Variants in FHOD3 observed in about 807,000 individuals in gnomAD.
FHOD3 encodes formin homology 2 domain containing 3.
A neutral mutation model predicts 173.0 loss-of-function variants in FHOD3; 90 were observed. The ratio of observed to expected loss-of-function variants is 0.52; its 90% CI spans 0.44 to 0.62. The LOEUF is 0.62. Ranked by LOEUF, FHOD3 falls within the 20% of genes least tolerant of loss-of-function variation. The pLI is 0.00. For synonymous variants in FHOD3, 828 were observed against 823.0 expected (o/e 1.01, Z -0.10); for missense variants, 1,945 against 2,034.7 (o/e 0.96, Z 0.85).
At chr18:36,435,101 C>CT (rs36034498) in intron 3 of FHOD3, among the ~76,000 whole-genome samples, 72,441 of 138,022 alleles carry the variant, frequency 0.52, 18,495 homozygotes, top group Non-Finnish European at 0.56. Flanking sequence ...TTTCACTGGA[C>CT]TTTTTTTTTT....
rs983774011 is a variant in FHOD3 at position 36,709,223 on chromosome 18, C to G, written c.2365C>G (p.Gln789Glu). The change falls in exon 18 of 29, where the codon CAG becomes GAG. Residue 789 changes from glutamine to glutamate, a missense_variant. Gln to Glu is a conservative substitution (Grantham distance 29). Coordinates refer to ENST00000590592, the MANE Select transcript of FHOD3 (RefSeq NM_001281740.3). ...CGAGGGTGCAGAGACTGAAGTGGAG[C>G]AGGCACTAGAGCAAGAGCCGGAAGA... Reference protein sequence around the residue: ...AHEGAETEVEQALEQEPEERA... With the variant: ...AHEGAETEVEEALEQEPEERA... 3 of 1,614,038 alleles carry G rather than the reference C, an allele frequency of 1.9e-6. No homozygotes were observed. The highest frequency in any genetic ancestry group is 2.5e-6 in the Non-Finnish European group (3 of 1,180,052).
chr18:36,339,460 A>G (rs73949444), intron 1 of FHOD3, among the ~76,000 whole-genome samples: 17,934 of 152,246 alleles, frequency 0.12, 3,521 homozygotes, highest in African/African-American at 0.4. Flanking sequence ...CTTGGAATTT[A>G]ATGCTATGTG....
At chr18:36,719,043 A>G (rs1364562524) in intron 19 of FHOD3, among the ~76,000 whole-genome samples, 1 of 152,248 alleles carries the variant, frequency 6.6e-6, no homozygotes, top group African/African-American at 2.4e-5. Flanking sequence ...TGTTAACTAG[A>G]GAAAGTGGAC....
At chr18:36,681,934 C>A (rs909874554) in intron 15 of FHOD3, among the ~76,000 whole-genome samples, 1 of 152,142 alleles carries the variant, frequency 6.6e-6, no homozygotes, top group Non-Finnish European at 1.5e-5. Flanking sequence ...CTATCAGATG[C>A]CCAAAAAGAA....
At chr18:36,417,549 A>G (rs2049733605) in intron 3 of FHOD3, among the ~76,000 whole-genome samples, 1 of 152,250 alleles carries the variant, frequency 6.6e-6, no homozygotes, top group African/African-American at 2.4e-5. Context: ...TCTTTATAAT[A>G]GAATGACTTA....
intron 5 of FHOD3, among the ~76,000 whole-genome samples, chr18:36,525,238 T>C (rs949124799): frequency 3.3e-5 from 5 of 152,210 alleles, no homozygotes; most frequent in Non-Finnish European, 7.3e-5. Context: ...GAGATTATTC[T>C]AGGTAGGATG....
Position 36,658,128 on chromosome 18 carries a change from C to T in FHOD3, c.1775C>T (p.Ser592Phe), listed in dbSNP as rs2036543531. 1.3e-6 allele frequency: 2 copies of T among 1,597,966 alleles called. No homozygotes were observed. The highest frequency in any genetic ancestry group is 4.7e-5 in the East Asian group (2 of 42,994). Residue 592 changes from serine to phenylalanine, a missense_variant, in exon 14 of 29, where the codon TCC becomes TTC. Physicochemically the swap from Ser to Phe is radical, Grantham distance 155. Around this residue, in one of 5 missense-constraint regions of FHOD3, gnomAD observed 1,099 missense variants for 1,051.2 expected, o/e 1.05. Transcript: ENST00000590592. ...SYHSSRPSSG[S>F]SVPTTPTSSV... ...CACTCCTCAAGACCCTCATCTGGATCCAGTGTGCCCACCACCCCCACATCA... is the reference window on the plus strand; with the variant it reads ...CACTCCTCAAGACCCTCATCTGGATTCAGTGTGCCCACCACCCCCACATCA...
chr18:36,555,532 G>A (rs2057843616), intron 5 of FHOD3, among the ~76,000 whole-genome samples: 1 of 152,066 alleles, frequency 6.6e-6, no homozygotes, highest in Non-Finnish European at 1.5e-5. Context: ...GCCTATAAAT[G>A]TCAATTAGGT....
In FHOD3 at chr18:36,713,081, G is replaced by A. The variant is rs541659827; in HGVS notation, c.2533+3690G>A. On this transcript the variant is annotated intron_variant, in intron 18 of 28. Coordinates refer to ENST00000590592, the MANE Select transcript of FHOD3 (RefSeq NM_001281740.3). ...TCTCAGATAAAGAAAAACTAAAAGA[G>A]TGGGTCCCTAACAGACCTATCCTCA... 2.6e-5 allele frequency among the ~76,000 whole-genome samples: 4 copies of A among 152,188 alleles called. No individual in the cohort carries two copies. The South Asian group carries it at 8.3e-4, about 32-fold the overall frequency.
chr18:36,730,564 G>T, intron 19 of FHOD3, 82 bp from the exon 20 acceptor site: 1 of 1,383,258 alleles, frequency 7.2e-7, no homozygotes, highest in South Asian at 1.3e-5. Flanking sequence ...CTCTAAATAA[G>T]TAGTGAGTGC....
At chr18:36,355,306 G>C (rs1259515671) in intron 1 of FHOD3, among the ~76,000 whole-genome samples, 3 of 152,228 alleles carry the variant, frequency 2.0e-5, no homozygotes, top group African/African-American at 7.2e-5. Flanking sequence ...AGTGGCTTAG[G>C]GCCCAGAGGA....
At chr18:36,345,848 C>T (rs28450654) in intron 1 of FHOD3, among the ~76,000 whole-genome samples, 4,850 of 152,214 alleles carry the variant, frequency 0.032, 273 homozygotes, top group African/African-American at 0.11. Flanking sequence ...TAAAGAACTT[C>T]TCCTAAATCA....
chr18:36,603,710 G>A (rs1047045167), intron 8 of FHOD3, among the ~76,000 whole-genome samples: 3 of 151,998 alleles, frequency 2.0e-5, no homozygotes, highest in African/African-American at 7.2e-5. Context: ...AGCCATATTG[G>A]CCAGGCTGGT....
intron 20 of FHOD3, among the ~76,000 whole-genome samples, chr18:36,733,230 C>A (rs1266531309): frequency 1.3e-5 from 2 of 152,186 alleles, no homozygotes; most frequent in East Asian, 1.9e-4. Flanking sequence ...AGCTATGCAA[C>A]CCCCCTGGCC....
chr18:36,563,994 CT>C (rs1345677497), intron 5 of FHOD3, among the ~76,000 whole-genome samples: 1 of 152,068 alleles, frequency 6.6e-6, no homozygotes, highest in African/African-American at 2.4e-5. Flanking sequence ...GACAGATGCC[CT>C]AAGTGTATGT....
chr18:36,425,588 AAAG>A (rs991023650), intron 3 of FHOD3, among the ~76,000 whole-genome samples: 6 of 152,370 alleles, frequency 3.9e-5, no homozygotes, highest in African/African-American at 1.4e-4. Context: ...GTGGGGAAAA[AAAG>A]AGACCCCAAC....
chr18:36,625,988 C>T (rs2034077208), intron 10 of FHOD3, among the ~76,000 whole-genome samples: 1 of 152,080 alleles, frequency 6.6e-6, no homozygotes, highest in African/African-American at 2.4e-5. Flanking sequence ...TTTTCAGCTA[C>T]CTGTTTTTAA....
chr18:36,711,767 G>C (rs1277245700), intron 18 of FHOD3, among the ~76,000 whole-genome samples: 1 of 152,186 alleles, frequency 6.6e-6, no homozygotes, highest in Non-Finnish European at 1.5e-5. Context: ...TGACAGTGAA[G>C]CTCCAAGTAA....
chr18:36,352,882 T>C (rs534945074), intron 1 of FHOD3, among the ~76,000 whole-genome samples: 1 of 152,350 alleles, frequency 6.6e-6, no homozygotes, highest in South Asian at 2.1e-4. Flanking sequence ...AAGAATGAGC[T>C]GCCAATGATT....
Sources: gnomAD v4.1 joint callset for allele counts (sites outside exome capture counted in the v4.1 genomes callset) on GRCh38, gnomAD v4.1.1 for gene constraint, gnomAD v4.1.1 regional missense constraint, MANE v1.5 for transcripts, NCBI Gene and HGNC (gene_info 2026-07-23, HGNC 2026-07-21) for gene names.